Variants in SCTR observed in about 807,000 individuals in gnomAD.
SCTR encodes the protein secretin receptor, also known as pancreatic secretin receptor.
A neutral mutation model predicts 60.8 loss-of-function variants in SCTR; 56 were observed. The ratio of observed to expected loss-of-function variants is 0.92; its 90% CI spans 0.74 to 1.15. SCTR has a LOEUF of 1.15. SCTR is among the 50% of genes most tolerant of loss of function. The pLI is 0.00. For missense variants in SCTR, 562 were observed against 550.4 expected, an observed-to-expected ratio of 1.02 and a Z score of -0.21; for synonymous variants, 202 against 217.0, an observed-to-expected ratio of 0.93 and a Z score of 0.61.
chr2:119,519,827 AG>A (rs368425232), intron 1 of SCTR, among the ~76,000 whole-genome samples: 577 of 53,362 alleles, frequency 0.011, 15 homozygotes, highest in East Asian at 0.1. Flanking sequence ...AAAAAAAAAA[AG>A]AAAAAAAGAA....
rs1445447459 is a variant in SCTR at position 119,511,651 on chromosome 2, G to A, written c.72+12504C>T. On this transcript the variant is annotated intron_variant, in intron 1 of 12. Coordinates refer to ENST00000019103, the MANE Select transcript of SCTR (RefSeq NM_002980.3). The stretch of plus-strand genomic sequence containing the variant: ...GTTCTCCTTCCTCTTGCTCCACCCA[G>A]GCCTGCTATCTGGCTGTGGTTTGGG... Among the ~76,000 whole-genome samples the A allele has an allele frequency of 4.6e-5, 7 of 152,196 alleles. No individual in the cohort carries two copies. The East Asian group carries it at 1.2e-3, about 25-fold the overall frequency.
chr2:119,524,154 C>A lies in SCTR; in HGVS notation c.72+1G>T, dbSNP rs1216569489. ...AGCCTGCAGAAGGGCGCAGTACTCACCGAGTGCGCGGCGCAGGCGAGCAGC... is the reference window on the plus strand; with the variant it reads ...AGCCTGCAGAAGGGCGCAGTACTCAACGAGTGCGCGGCGCAGGCGAGCAGC... On this transcript the variant is annotated splice_donor_variant, in intron 1 of 12. Coordinates refer to ENST00000019103, the MANE Select transcript of SCTR (RefSeq NM_002980.3). LOFTEE classifies it high-confidence loss of function. The A allele has an allele frequency of 6.5e-7, 1 of 1,539,120 alleles. No individual in the cohort carries two copies. The highest frequency in any genetic ancestry group is 1.7e-4 in the Middle Eastern group (1 of 5,902).
rs577747233 is a variant in SCTR, at chr2:119,461,569, G to T, written c.790+278C>A. Among the ~76,000 whole-genome samples, 7 of 152,242 alleles carry T rather than the reference G, an allele frequency of 4.6e-5. No individual in the cohort carries two copies. The South Asian group carries it at 1.2e-3, about 27-fold the overall frequency. On this transcript the variant is annotated intron_variant, in intron 7 of 12. Transcript: ENST00000019103. ...TCTACTAAAAATACAAAATTAGCTG[G>T]GTGTGGTGGCACATGCCTGTAATCC...
chr2:119,479,351 G>T, intron 2 of SCTR: 1 of 889,156 alleles, frequency 1.1e-6, no homozygotes, highest in African/African-American at 1.8e-5. Context: ...AGCCGGCGTG[G>T]CACACAGGGA....
chr2:119,493,236 T>A (rs775282723), intron 2 of SCTR, among the ~76,000 whole-genome samples: 4 of 152,238 alleles, frequency 2.6e-5, no homozygotes, highest in Admixed American at 6.5e-5. Flanking sequence ...GAACATATCA[T>A]CACTTCTTTC....
intron 2 of SCTR, among the ~76,000 whole-genome samples, chr2:119,492,832 ATATTTATTTATT>A (rs71788049): frequency 0.014 from 2,049 of 147,126 alleles, 33 homozygotes; most frequent in African/African-American, 0.028. Flanking sequence ...TACTTTTTTA[ATATTTATTTATT>A]TATTTATTTA....
intron 4 of SCTR, among the ~76,000 whole-genome samples, chr2:119,471,355 G>C (rs1677003615): frequency 6.6e-6 from 1 of 152,172 alleles, no homozygotes; most frequent in African/African-American, 2.4e-5. Context: ...AGAAGGCAGA[G>C]CCCACTCACC....
chr2:119,496,345 T>C (rs1476255195), intron 1 of SCTR, among the ~76,000 whole-genome samples: 1 of 152,198 alleles, frequency 6.6e-6, no homozygotes, highest in Non-Finnish European at 1.5e-5. Flanking sequence ...ACAGAAATGT[T>C]CATACCCTTT....
intron 7 of SCTR, among the ~76,000 whole-genome samples, chr2:119,457,700 T>C (rs1480487945): frequency 6.6e-6 from 1 of 151,688 alleles, no homozygotes; most frequent in Non-Finnish European, 1.5e-5. Flanking sequence ...GCCAAGAGAG[T>C]GAGATCCTGT....
At chr2:119,495,123 AC>A (rs1678296407) in intron 1 of SCTR, among the ~76,000 whole-genome samples, 1 of 151,988 alleles carries the variant, frequency 6.6e-6, no homozygotes, top group Non-Finnish European at 1.5e-5. Flanking sequence ...ACACACACAC[AC>A]ACACAAATGC....
chr2:119,523,724 C>T lies in SCTR; in HGVS notation c.72+431G>A, dbSNP rs183593973. 1.4e-3 allele frequency among the ~76,000 whole-genome samples: 216 copies of T among 152,284 alleles called. 2 individuals carry two copies. Among genetic ancestry groups the T allele is most frequent in the African/African-American group, 5.1e-3 (210 of 41,572 alleles). On this transcript the variant is annotated intron_variant, in intron 1 of 12. Transcript: ENST00000019103. ...AGCAAGAATTTTTATTCCCCCTCTC[C>T]TCTCCTTTCCTTTCCTTTCTTTGTC...
At chr2:119,516,643 A>ACAG (rs1363489950) in intron 1 of SCTR, among the ~76,000 whole-genome samples, 1 of 152,178 alleles carries the variant, frequency 6.6e-6, no homozygotes, top group Non-Finnish European at 1.5e-5. Context: ...GATCTAATGT[A>ACAG]CAGCATGAAG....
chr2:119,489,108 G>T (rs1229052678), intron 2 of SCTR, among the ~76,000 whole-genome samples: 1 of 152,176 alleles, frequency 6.6e-6, no homozygotes, highest in Non-Finnish European at 1.5e-5. Context: ...GAGCCTGAGT[G>T]GGGCAGGCAG....
chr2:119,465,220 G>C (rs1256941547), intron 5 of SCTR, among the ~76,000 whole-genome samples: 1 of 152,194 alleles, frequency 6.6e-6, no homozygotes, highest in Non-Finnish European at 1.5e-5. Flanking sequence ...AGAGGCTCTT[G>C]TTGGCCCTGG....
At chr2:119,522,016 C>A (rs186583288) in intron 1 of SCTR, among the ~76,000 whole-genome samples, 1 of 152,310 alleles carries the variant, frequency 6.6e-6, no homozygotes, top group African/African-American at 2.4e-5. Context: ...AAGGGACCGC[C>A]GGGCGCGGTG....
intron 1 of SCTR, among the ~76,000 whole-genome samples, chr2:119,496,938 A>T (rs1678374123): frequency 6.6e-6 from 1 of 152,168 alleles, no homozygotes. Context: ...TTTCACAGAG[A>T]CTGCAAACTC....
chr2:119,460,187 G>C (rs964196660), intron 7 of SCTR, among the ~76,000 whole-genome samples: 17 of 151,608 alleles, frequency 1.1e-4, no homozygotes, highest in Admixed American at 5.9e-4. Flanking sequence ...TAAGGATTTA[G>C]ACAAGCAGAA....
chr2:119,442,783 C>T (rs1317640010), intron 11 of SCTR, among the ~76,000 whole-genome samples: 4 of 152,140 alleles, frequency 2.6e-5, no homozygotes, highest in African/African-American at 9.7e-5. Context: ...CTGGGGGCAT[C>T]AGCAGCTTTT....
At chr2:119,507,253 A>G (rs2104931494) in intron 1 of SCTR, among the ~76,000 whole-genome samples, 1 of 152,376 alleles carries the variant, frequency 6.6e-6, no homozygotes, top group African/African-American at 2.4e-5. Context: ...CCGTGATGTT[A>G]AACAGGAAAA....
Sources: gnomAD v4.1 joint callset for allele counts (sites outside exome capture counted in the v4.1 genomes callset) on GRCh38, gnomAD v4.1.1 for gene constraint, MANE v1.5 for transcripts, NCBI Gene and HGNC (gene_info 2026-07-23, HGNC 2026-07-21) for gene names.